Variants in NCOR1 observed in about 807,000 individuals in gnomAD.
NCOR1 encodes nuclear receptor corepressor 1.
Under a neutral mutation model 288.1 loss-of-function variants are expected in NCOR1, and 63 were observed. The observed-to-expected ratio is 0.22, with a 90% CI of 0.18 to 0.27. NCOR1 has a LOEUF of 0.27. Ranked by LOEUF, NCOR1 falls within the 10% of genes least tolerant of loss-of-function variation. NCOR1 has a pLI of 1.00. For synonymous variants in NCOR1, 1,007 were observed against 1,065.9 expected (o/e 0.94, Z 1.08); for missense variants, 2,397 against 3,019.2 (o/e 0.79, Z 4.83).
chr17:16,188,132 G>C (rs1275190571), intron 2 of NCOR1, among the ~76,000 whole-genome samples: 13 of 152,026 alleles, frequency 8.6e-5, no homozygotes, highest in Admixed American at 7.2e-4. Context: ...GGTAAATTTT[G>C]TTATATGAAT....
intron 26 of NCOR1, 81 bp from the exon 27 acceptor site, chr17:16,075,783 T>C (rs1050186024): frequency 2.7e-6 from 4 of 1,496,816 alleles, no homozygotes; most frequent in Non-Finnish European, 3.7e-6. Flanking sequence ...ATTTAACCTA[T>C]GACAGAGTCA....
chr17:16,174,197 CA>C (rs1223384723), intron 3 of NCOR1, among the ~76,000 whole-genome samples: 1 of 152,130 alleles, frequency 6.6e-6, no homozygotes, highest in African/African-American at 2.4e-5. Flanking sequence ...AAAAACTCAT[CA>C]GAAAATTCAT....
At chr17:16,154,421 A>G (rs145747838) in intron 6 of NCOR1, among the ~76,000 whole-genome samples, 2 of 152,328 alleles carry the variant, frequency 1.3e-5, no homozygotes, top group African/African-American at 4.8e-5. Flanking sequence ...AAAATAATGA[A>G]TAAGATAAGC....
rs564018452 is a variant in NCOR1, at chr17:16,085,595, A to C, written c.3177+687T>G. Among the ~76,000 whole-genome samples the C allele has an allele frequency of 6.6e-5, 10 of 152,240 alleles. No homozygotes were observed. In the South Asian group the frequency reaches 2.1e-3, roughly 32 times the overall value. On this transcript the variant is annotated intron_variant, in intron 23 of 45. Coordinates refer to ENST00000268712, the MANE Select transcript of NCOR1 (RefSeq NM_006311.4). ...CTAAAACCATTATGCTGGGTTAAAG[A>C]AGACAGACACAAAAGAGTACACCAT...
chr17:16,081,407 TAGGTAAAAAC>T (rs756215162), intron 23 of NCOR1, among the ~76,000 whole-genome samples: 16 of 147,584 alleles, frequency 1.1e-4, no homozygotes, highest in Admixed American at 4.7e-4. Context: ...AAGCTGAATC[TAGGTAAAAAC>T]AGGTAAAAAC....
At chr17:16,102,443 T>C (rs1598634621) in intron 19 of NCOR1, among the ~76,000 whole-genome samples, 2 of 151,872 alleles carry the variant, frequency 1.3e-5, no homozygotes, top group East Asian at 3.9e-4. Flanking sequence ...CCACCATGCC[T>C]AGCTAATTTT....
intron 18 of NCOR1, among the ~76,000 whole-genome samples, chr17:16,114,939 C>T (rs993244411): frequency 6.6e-6 from 1 of 152,126 alleles, no homozygotes; most frequent in Admixed American, 6.5e-5. Context: ...GAGTCTGACC[C>T]CCCATTTCCC....
intron 11 of NCOR1, among the ~76,000 whole-genome samples, chr17:16,140,432 G>A (rs1027580566): frequency 6.6e-5 from 10 of 152,308 alleles, no homozygotes; most frequent in African/African-American, 2.4e-4. Flanking sequence ...TGGAGGCCAA[G>A]GCAGAAGGAC....
intron 4 of NCOR1, among the ~76,000 whole-genome samples, chr17:16,168,800 G>A (rs1189025727): frequency 6.6e-6 from 1 of 151,676 alleles, no homozygotes; most frequent in Admixed American, 6.6e-5. Flanking sequence ...GTGAAACCTC[G>A]TCTCCACTAA....
At chr17:16,068,427 A>AT (rs138816844) in intron 31 of NCOR1, 1 of 282,724 alleles carries the variant, frequency 3.5e-6, no homozygotes, top group African/African-American at 2.2e-5. Flanking sequence ...ATTATGAATC[A>AT]TTTTGTTTTT....
chr17:16,116,723 C>CT (rs1265828017), intron 18 of NCOR1, among the ~76,000 whole-genome samples: 1 of 137,498 alleles, frequency 7.3e-6, no homozygotes. Flanking sequence ...TAGAGCAGAA[C>CT]TTTATGTTTA....
chr17:16,133,697 C>T (rs2075993443), intron 14 of NCOR1, among the ~76,000 whole-genome samples: 1 of 152,156 alleles, frequency 6.6e-6, no homozygotes. Flanking sequence ...TTTACTTGGA[C>T]CTCATTTGGA....
intron 3 of NCOR1, among the ~76,000 whole-genome samples, chr17:16,178,961 A>ATTT (rs11306479): frequency 6.6e-6 from 1 of 150,822 alleles, no homozygotes; most frequent in Non-Finnish European, 1.5e-5. Flanking sequence ...AAAAAAAGTT[A>ATTT]TTTTTTTTTT....
At chr17:16,117,516 A>G (rs1159017447) in intron 18 of NCOR1, among the ~76,000 whole-genome samples, 30 of 57,332 alleles carry the variant, frequency 5.2e-4, no homozygotes, top group Non-Finnish European at 1.5e-3. Context: ...GGAGCTCAGA[A>G]AAAAAAAAAA....
At chr17:16,091,064 C>T (rs901033939) in intron 22 of NCOR1, among the ~76,000 whole-genome samples, 3 of 152,110 alleles carry the variant, frequency 2.0e-5, no homozygotes, top group Non-Finnish European at 4.4e-5. Flanking sequence ...AAAACCACCC[C>T]TTTCTTCTTT....
rs751462384 is a variant in NCOR1, at chr17:16,101,476, C to G, written c.2464G>C (p.Val822Leu). 1.1e-5 allele frequency: 18 copies of G among 1,614,080 alleles called. No individual in the cohort carries two copies. Among genetic ancestry groups the G allele is most frequent in the South Asian group, 3.3e-5 (3 of 91,082 alleles). Residue 822 changes from valine (V) to leucine (L), a missense_variant, in exon 20 of 46, where the codon GTG becomes CTG. Physicochemically the swap from Val to Leu is conservative, Grantham distance 32. Around this residue, in one of 11 missense-constraint regions of NCOR1, gnomAD observed 1,872 missense variants for 2,187.8 expected, o/e 0.86. Coordinates refer to ENST00000268712, the MANE Select transcript of NCOR1 (RefSeq NM_006311.4). Reference sequence around the variant, plus strand: ...TCTGGCACCCTCACTTCAACGTCCACAGAGTCAGCTTTGGTAGCGGGTGGG... The same window carrying G: ...TCTGGCACCCTCACTTCAACGTCCAGAGAGTCAGCTTTGGTAGCGGGTGGG... ...DPPPATKADSVDVEVRVPENH... is the reference protein window; with the variant it reads ...DPPPATKADSLDVEVRVPENH...
intron 2 of NCOR1, chr17:16,191,784 C>T (rs1484881398): frequency 6.6e-6 from 1 of 152,096 alleles, no homozygotes; most frequent in Non-Finnish European, 1.5e-5. Flanking sequence ...AATCAGGAAG[C>T]TTGGTGAATG....
rs1343654466 is a variant in NCOR1 at position 16,057,587 on chromosome 17, C to A, written c.6319G>T (p.Ala2107Ser). The stretch of plus-strand genomic sequence containing the variant: ...GGTCTTTGATGATGGACAGACTGAG[C>A]CTGGGATTCTGGGCTGTAACGGTTT... Reference protein sequence around the residue: ...TSNRYSPESQAQSVHHQRPGS... With the variant: ...TSNRYSPESQSQSVHHQRPGS... The change falls in exon 40 of 46, where the codon GCT becomes TCT. Residue 2107 changes from alanine to serine, a missense_variant. By Grantham distance (99) the Ala-to-Ser change is moderately conservative (BLOSUM62 1). Around this residue, in one of 11 missense-constraint regions of NCOR1, gnomAD observed 1,872 missense variants for 2,187.8 expected, o/e 0.86. Transcript: ENST00000268712. The A allele has an allele frequency of 6.2e-7, 1 of 1,614,106 alleles. No homozygotes were observed.
chr17:16,080,895 A>T (rs1157647326), intron 23 of NCOR1, among the ~76,000 whole-genome samples, 168 bp from the exon 24 acceptor site: 1 of 151,966 alleles, frequency 6.6e-6, no homozygotes, highest in Admixed American at 6.6e-5. Flanking sequence ...TCTTCATCGT[A>T]GATTGCTTAA....
Sources: gnomAD v4.1 joint callset for allele counts (sites outside exome capture counted in the v4.1 genomes callset) on GRCh38, gnomAD v4.1.1 for gene constraint, gnomAD v4.1.1 regional missense constraint, MANE v1.5 for transcripts, NCBI Gene and HGNC (gene_info 2026-07-23, HGNC 2026-07-21) for gene names.